RAB3IL1: variants seen among roughly 807,000 people sequenced by gnomAD.
The protein encoded by RAB3IL1 is guanine nucleotide exchange factor for Rab-3A.
RAB3IL1 carries 37 observed loss-of-function variants against 49.2 expected under a neutral mutation model. That is an observed-to-expected ratio of 0.75 (90% CI 0.58 to 0.99). The LOEUF (loss-of-function observed/expected upper bound fraction) is 0.99, where lower values mean the gene tolerates loss of function less well. Ranked by LOEUF, RAB3IL1 falls within the 50% of genes least tolerant of loss-of-function variation. The pLI, the probability that RAB3IL1 is intolerant of heterozygous loss-of-function variation, is 0.00. For missense variants in RAB3IL1, 484 were observed against 513.0 expected (o/e 0.94, Z 0.55); for synonymous variants, 193 against 213.9 (o/e 0.90, Z 0.85).
chr11:61,898,833 G>A lies in RAB3IL1; in HGVS notation c.1067-473C>T. 2.1e-6 allele frequency: 1 copy of A among 468,330 alleles called. No individual in the cohort carries two copies. 29.0% of individuals were successfully genotyped at this position (468,330 alleles called of 1,614,324 possible). On this transcript the variant is annotated intron_variant, in intron 9 of 9. Transcript: ENST00000394836. The surrounding 1 kb of genome is among the most constrained non-coding windows in gnomAD (Gnocchi z 5.1). ...TGACCCCCAGGATGGAGAGGAGATA[G>A]CTCCTTACTCAGAGGGTCGGGCCAG... is the stretch of plus-strand genomic sequence containing the variant.
intron 1 of RAB3IL1, among the ~76,000 whole-genome samples, chr11:61,912,939 T>C (rs956675420): frequency 6.6e-6 from 1 of 151,848 alleles, no homozygotes; most frequent in African/African-American, 2.4e-5. Context: ...GCAATAACAA[T>C]AATTAAGATA....
At chr11:61,904,512 C>A (rs777836303) in intron 7 of RAB3IL1, 34 bp downstream of exon 7, 1 of 1,563,604 alleles carries the variant, frequency 6.4e-7, no homozygotes, top group Non-Finnish European at 8.7e-7. Context: ...GGCTTTCCCA[C>A]ATGGGCAGGA....
In RAB3IL1 at chr11:61,904,745, A is replaced by C. The variant is rs774202559; in HGVS notation, c.786+9T>G. On this transcript the variant is annotated intron_variant, in intron 6 of 9. Coordinates refer to ENST00000394836, the MANE Select transcript of RAB3IL1 (RefSeq NM_013401.4). Reference sequence around the variant, plus strand: ...TCCCCCAGCTGGCCCCGCCCCTGCCATGCCTCACCTCCTGCATTGTGAAGT... The same window carrying C: ...TCCCCCAGCTGGCCCCGCCCCTGCCCTGCCTCACCTCCTGCATTGTGAAGT... The C allele has an allele frequency of 3.0e-5, 48 of 1,597,686 alleles. 1 individual carries two copies. The South Asian group carries it at 4.7e-4, about 16-fold the overall frequency.
the RAB3IL1 span, among the ~76,000 whole-genome samples, chr11:61,943,144 G>C: frequency 2.0e-5 from 3 of 152,142 alleles, no homozygotes; most frequent in Admixed American, 1.3e-4. Context: ...ATATTGAAGT[G>C]ACATATAGCT....
chr11:61,922,463 G>A (rs1371337614), upstream of RAB3IL1, among the ~76,000 whole-genome samples: 2 of 151,838 alleles, frequency 1.3e-5, no homozygotes, highest in African/African-American at 2.4e-5. Flanking sequence ...CAGAGGTTGC[G>A]GTGAGCTGAG....
chr11:61,925,560 G>A, the RAB3IL1 span, among the ~76,000 whole-genome samples: 13 of 152,034 alleles, frequency 8.6e-5, no homozygotes, highest in Admixed American at 3.9e-4. Context: ...GCTTGAACCC[G>A]GGAGGTGGAG....
chr11:61,902,521 A>G lies in RAB3IL1; in HGVS notation c.920T>C (p.Leu307Pro). Residue 307 changes from leucine (L) to proline (P), a missense_variant, in exon 8 of 10, where the codon CTG becomes CCG. By Grantham distance (98) the Leu-to-Pro change is moderately conservative. Coordinates refer to ENST00000394836, the MANE Select transcript of RAB3IL1 (RefSeq NM_013401.4). ...GATTCGGTGGCGGCAGGTGCGGGTC[A>G]GCCCGCTCAGGGCACATGTGCTAGG... ...SSTNTCALSG[L>P]TRTCRHRIRL... 6.2e-7 allele frequency: 1 copy of G among 1,601,364 alleles called. No individual in the cohort carries two copies. The highest frequency in any genetic ancestry group is 8.5e-7 in the Non-Finnish European group (1 of 1,175,868).
upstream of RAB3IL1, among the ~76,000 whole-genome samples, chr11:61,922,924 G>A (rs1397177369): frequency 2.0e-5 from 3 of 152,160 alleles, no homozygotes; most frequent in Non-Finnish European, 2.9e-5. Context: ...GGGCTTACCT[G>A]GAAACAATTA....
chr11:61,934,319 T>TATACAC, the RAB3IL1 span, among the ~76,000 whole-genome samples: 12,602 of 126,502 alleles, frequency 0.1, 738 homozygotes, highest in African/African-American at 0.16. Flanking sequence ...TGAGTAAATA[T>TATACAC]ACACACACAC....
In RAB3IL1 at chr11:61,898,558, C is replaced by T. The variant is rs1206539352; in HGVS notation, c.1067-198G>A. Among the ~76,000 whole-genome samples, 3 of 152,176 alleles carry T rather than the reference C, an allele frequency of 2.0e-5. No individual in the cohort carries two copies. Among genetic ancestry groups the T allele is most frequent in the Non-Finnish European group, 4.4e-5 (3 of 68,030 alleles). On this transcript the variant is annotated intron_variant, in intron 9 of 9. Transcript: ENST00000394836. The surrounding 1 kb of genome is among the most constrained non-coding windows in gnomAD (Gnocchi z 5.1). ...TTGAGCCTTGGAAACTGCTGAGTGC[C>T]GACCACACCCGAGGGATCTGTTTGC... is the stretch of plus-strand genomic sequence containing the variant.
Position 61,906,521 on chromosome 11 carries a change from G to T in RAB3IL1, c.602C>A (p.Pro201His), listed in dbSNP as rs149623926. 6.4e-7 allele frequency: 1 copy of T among 1,557,544 alleles called. No individual in the cohort carries two copies. The highest frequency in any genetic ancestry group is 2.4e-5 in the East Asian group (1 of 41,990). Reference sequence around the variant, plus strand: ...GTGTCCCGCAGCGGGACACACGGCGGGGCAGAGGGTGCTGCTGGTGCTCTT... The same window carrying T: ...GTGTCCCGCAGCGGGACACACGGCGTGGCAGAGGGTGCTGCTGGTGCTCTT... ...RHKSTSSTLC[P>H]AVCPAAGHTL... The change falls in exon 5 of 10, where the codon CCC becomes CAC. Residue 201 changes from proline to histidine, a missense_variant. By Grantham distance (77) the Pro-to-His change is moderately conservative. Transcript: ENST00000394836. This position sits in a 1 kb window ranked among gnomAD's most constrained non-coding sequence, Gnocchi z 4.6.
the RAB3IL1 span, among the ~76,000 whole-genome samples, chr11:61,944,641 C>G: frequency 6.6e-6 from 1 of 152,192 alleles, no homozygotes; most frequent in African/African-American, 2.4e-5. Context: ...ACTTTTCTAT[C>G]TGAAGTTCTT....
intron 1 of RAB3IL1, among the ~76,000 whole-genome samples, chr11:61,912,905 G>T (rs1939520356): frequency 6.6e-6 from 1 of 152,060 alleles, no homozygotes; most frequent in Non-Finnish European, 1.5e-5. Flanking sequence ...GAGGAACAGG[G>T]GCTGGATGGG....
At position 61,906,774 on chromosome 11, in the gene RAB3IL1, C is replaced by T; in HGVS notation, c.439-90G>A. 8.0e-7 allele frequency: 1 copy of T among 1,242,924 alleles called. No homozygotes were observed. The highest frequency in any genetic ancestry group is 2.5e-5 in the East Asian group (1 of 39,932). 77.0% of individuals were successfully genotyped at this position (1,242,924 alleles called of 1,614,324 possible). A position where few individuals can be genotyped will look rare whatever the true frequency, so the allele number is the denominator to read the frequency against. ...TATCAGCCTAACTCAGGACAATGCA[C>T]CCCTGCAGTGACAGGCACTTAGTCC... On this transcript the variant is annotated intron_variant, in intron 4 of 9. Coordinates refer to ENST00000394836, the MANE Select transcript of RAB3IL1 (RefSeq NM_013401.4). This position sits in a 1 kb window ranked among gnomAD's most constrained non-coding sequence, Gnocchi z 4.6.
chr11:61,898,162 T>C lies in RAB3IL1; in HGVS notation c.*116A>G. 1.1e-6 allele frequency: 1 copy of C among 910,742 alleles called. No homozygotes were observed. The allele number at this position is 910,742 out of a possible 1,614,324, so 56.4% of individuals were successfully genotyped here. ...GCTGCCTCCATGGCCTGTCTGTCCA[T>C]CCATTCTGCCTCTGGCTCAGGGCTG... On this transcript the variant is annotated 3_prime_UTR_variant, in exon 10 of 10. Coordinates refer to ENST00000394836, the MANE Select transcript of RAB3IL1 (RefSeq NM_013401.4). This position sits in a 1 kb window ranked among gnomAD's most constrained non-coding sequence, Gnocchi z 5.1.
chr11:61,926,555 G>C, the RAB3IL1 span, among the ~76,000 whole-genome samples: 652 of 152,140 alleles, frequency 4.3e-3, 6 homozygotes, highest in African/African-American at 0.014. Context: ...GTTGCTGCAG[G>C]ATCTGATTCT....
chr11:61,930,458 A>G, the RAB3IL1 span, among the ~76,000 whole-genome samples: 35 of 152,332 alleles, frequency 2.3e-4, no homozygotes, highest in East Asian at 6.4e-3. Context: ...GTTACACCAA[A>G]AGCAAGGTGG....
At chr11:61,900,130 A>G (rs1938829256) in intron 8 of RAB3IL1, among the ~76,000 whole-genome samples, 1 of 152,206 alleles carries the variant, frequency 6.6e-6, no homozygotes, top group African/African-American at 2.4e-5. Flanking sequence ...GTGGAGATAG[A>G]AAGGACAGTC....
chr11:61,918,748 G>C (rs1484619014), upstream of RAB3IL1, among the ~76,000 whole-genome samples: 2 of 152,222 alleles, frequency 1.3e-5, no homozygotes, highest in Non-Finnish European at 2.9e-5. Flanking sequence ...GGAGAGTGGA[G>C]GCGAGGCTGG....
Sources: gnomAD v4.1 joint callset for allele counts (sites outside exome capture counted in the v4.1 genomes callset) on GRCh38, gnomAD v4.1.1 for gene constraint, Gnocchi (gnomAD v3.1) non-coding constraint, MANE v1.5 for transcripts, NCBI Gene and HGNC (gene_info 2026-07-23, HGNC 2026-07-21) for gene names.